The following ABTB2 variants were observed in gnomAD, a reference collection of about 807,000 sequenced individuals.
ABTB2 encodes ankyrin repeat and BTB/POZ domain-containing protein 2.
ABTB2 carries 56 observed loss-of-function variants against 104.1 expected under a neutral mutation model. The ratio of observed to expected loss-of-function variants is 0.54; its 90% CI spans 0.43 to 0.67. The LOEUF (loss-of-function observed/expected upper bound fraction) is 0.67, where lower values mean the gene tolerates loss of function less well. Among genes scored for constraint, ABTB2 ranks in the 30% least tolerant of loss-of-function variants. The pLI, the probability that ABTB2 is intolerant of heterozygous loss-of-function variation, is 0.00. For synonymous variants in ABTB2, 606 were observed against 608.2 expected (o/e 1.00, Z 0.05); for missense variants, 1,279 against 1,407.7 (o/e 0.91, Z 1.46).
chr11:34,236,030 G>A (rs7104335), intron 1 of ABTB2, among the ~76,000 whole-genome samples: 44,573 of 152,084 alleles, frequency 0.29, 7,055 homozygotes, highest in Non-Finnish European at 0.36. Flanking sequence ...TGGGTTCTGG[G>A]GTGGACAGAC....
intron 9 of ABTB2, among the ~76,000 whole-genome samples, chr11:34,163,075 T>G (rs1404665623): frequency 6.6e-6 from 1 of 152,228 alleles, no homozygotes; most frequent in Non-Finnish European, 1.5e-5. Context: ...CTGAGCGAGC[T>G]CTGCCATCCT....
At chr11:34,231,115 G>A (rs1344643333) in intron 1 of ABTB2, among the ~76,000 whole-genome samples, 1 of 152,224 alleles carries the variant, frequency 6.6e-6, no homozygotes, top group African/African-American at 2.4e-5. Flanking sequence ...TGAGCTTGGA[G>A]CATCTTGTGG....
intron 1 of ABTB2, among the ~76,000 whole-genome samples, chr11:34,336,286 C>T (rs1042932464): frequency 2.0e-5 from 3 of 152,116 alleles, no homozygotes; most frequent in African/African-American, 7.2e-5. Context: ...ACATTTACAA[C>T]ACCATAAGGC....
intron 1 of ABTB2, among the ~76,000 whole-genome samples, chr11:34,217,092 C>T (rs1853559078): frequency 6.6e-6 from 1 of 152,246 alleles, no homozygotes; most frequent in Non-Finnish European, 1.5e-5. Flanking sequence ...TAGTACGGAA[C>T]TGCCTCTAAG....
intron 1 of ABTB2, among the ~76,000 whole-genome samples, chr11:34,285,247 C>T (rs918011513): frequency 1.3e-5 from 2 of 152,028 alleles, no homozygotes; most frequent in South Asian, 2.1e-4. Context: ...GAGGTTTCCC[C>T]GAGGCTGGAT....
chr11:34,298,664 G>C (rs1238066394), intron 1 of ABTB2, among the ~76,000 whole-genome samples: 1 of 152,088 alleles, frequency 6.6e-6, no homozygotes. Context: ...GTTTTGCCAT[G>C]TTGGCCAGGC....
intron 14 of ABTB2, among the ~76,000 whole-genome samples, chr11:34,157,011 T>G (rs1416914072): frequency 6.6e-6 from 1 of 152,100 alleles, no homozygotes; most frequent in Non-Finnish European, 1.5e-5. Flanking sequence ...CTCTGTTTCC[T>G]CCTCCAGAAA....
intron 3 of ABTB2, among the ~76,000 whole-genome samples, chr11:34,184,001 C>A (rs1216518460): frequency 6.6e-6 from 1 of 152,020 alleles, no homozygotes; most frequent in East Asian, 1.9e-4. Context: ...GCAGCCTCAA[C>A]CTGCTTGCTG....
chr11:34,182,511 A>AGGGG (rs1853043466), intron 3 of ABTB2, among the ~76,000 whole-genome samples: 2 of 124,602 alleles, frequency 1.6e-5, no homozygotes, highest in Non-Finnish European at 3.3e-5. Flanking sequence ...GGGGGGGGGA[A>AGGGG]ATTCACTTTT....
chr11:34,347,380 G>A (rs1174487019), intron 1 of ABTB2, among the ~76,000 whole-genome samples: 1 of 152,198 alleles, frequency 6.6e-6, no homozygotes, highest in African/African-American at 2.4e-5. Context: ...AGGCTGCAGT[G>A]AGCTGAGATC....
At chr11:34,236,213 C>T (rs1317274744) in intron 1 of ABTB2, among the ~76,000 whole-genome samples, 1 of 151,908 alleles carries the variant, frequency 6.6e-6, no homozygotes, top group Non-Finnish European at 1.5e-5. Flanking sequence ...AGAGTTTTTT[C>T]CCTGGAAAGA....
Position 34,228,061 on chromosome 11 carries a change from G to A in ABTB2, c.884-23371C>T, listed in dbSNP as rs561643863. Reference sequence around the variant, plus strand: ...ACTTTTTTGTTTGTTTTCTTTTTGAGATAAGGTCTCACTTTGTTGCCCAGG... The same window carrying A: ...ACTTTTTTGTTTGTTTTCTTTTTGAAATAAGGTCTCACTTTGTTGCCCAGG... On this transcript the variant is annotated intron_variant, in intron 1 of 16. Coordinates refer to ENST00000435224, the MANE Select transcript of ABTB2 (RefSeq NM_145804.3). 7.1e-4 allele frequency among the ~76,000 whole-genome samples: 50 copies of A among 70,848 alleles called. 5 individuals are homozygous for A. The highest frequency in any genetic ancestry group is 2.4e-3 in the African/African-American group (49 of 20,664). The allele number at this position is 70,848 out of a possible 152,430, so 46.5% of individuals were successfully genotyped here.
intron 3 of ABTB2, among the ~76,000 whole-genome samples, chr11:34,175,217 T>A (rs1014056754): frequency 6.6e-6 from 1 of 152,252 alleles, no homozygotes; most frequent in Non-Finnish European, 1.5e-5. Flanking sequence ...GGGCAAAGAA[T>A]GCTTTTATTT....
intron 1 of ABTB2, among the ~76,000 whole-genome samples, chr11:34,340,822 G>T (rs1855253620): frequency 6.6e-6 from 1 of 152,212 alleles, no homozygotes; most frequent in Non-Finnish European, 1.5e-5. Context: ...CATGGTGGAA[G>T]AAACAGTCCC....
chr11:34,351,933 G>GA (rs5790990), intron 1 of ABTB2, among the ~76,000 whole-genome samples: 50 of 151,490 alleles, frequency 3.3e-4, no homozygotes, highest in African/African-American at 1.2e-3. Context: ...AGGCGTGCGA[G>GA]AAAAAAAAAT....
rs111993998 is a variant in ABTB2 at position 34,291,477 on chromosome 11, C to T, written c.883+65224G>A. 6.6e-3 allele frequency among the ~76,000 whole-genome samples: 1,000 copies of T among 152,260 alleles called. 12 individuals carry two copies. Among genetic ancestry groups the T allele is most frequent in the African/African-American group, 0.023 (970 of 41,536 alleles). ...GTGGGGCACAGGACTGAAAACTATC[C>T]TTCTAACTGATAAGTTTATTTTTAT... On this transcript the variant is annotated intron_variant, in intron 1 of 16. Coordinates refer to ENST00000435224, the MANE Select transcript of ABTB2 (RefSeq NM_145804.3).
intron 1 of ABTB2, among the ~76,000 whole-genome samples, chr11:34,282,728 C>T (rs1854461147): frequency 6.6e-6 from 1 of 151,734 alleles, no homozygotes; most frequent in African/African-American, 2.4e-5. Flanking sequence ...GACGGGGTTT[C>T]ACCATGTTGG....
chr11:34,269,702 T>A lies in ABTB2; in HGVS notation c.884-65012A>T, dbSNP rs886973419. 2.0e-5 allele frequency among the ~76,000 whole-genome samples: 3 copies of A among 152,350 alleles called. No individual in the cohort carries two copies. In the East Asian group the frequency reaches 5.8e-4, roughly 29 times the overall value. On this transcript the variant is annotated intron_variant, in intron 1 of 16. Transcript: ENST00000435224. ...CATGGAACATCATTTGTCTTTTGAT[T>A]ATCTTTCAACCATTTCAAAATATAA...
rs763964966 is a variant in ABTB2 at position 34,162,651 on chromosome 11, T to C, written c.2143A>G (p.Lys715Glu). The C allele has an allele frequency of 6.2e-7, 1 of 1,613,364 alleles. No homozygotes were observed. Among genetic ancestry groups the C allele is most frequent in the East Asian group, 2.2e-5 (1 of 44,894 alleles). Residue 715 changes from lysine (K) to glutamate (E), a missense_variant, in exon 10 of 17, where the codon AAG becomes GAG. Physicochemically the swap from Lys to Glu is moderately conservative, Grantham distance 56. Transcript: ENST00000435224. ...TAGTACATGGCCTCCTGTAGGGCCT[T>C]GGTGCGGGTCCGGCTCAGCCGCACG... The part of the protein sequence containing the change: ...GPVRLSRTRT[K>E]ALQEAMYYSA...
Sources: allele counts gnomAD v4.1 joint callset (sites outside exome capture counted in the v4.1 genomes callset), GRCh38; gene constraint gnomAD v4.1.1; transcripts MANE v1.5; gene names NCBI Gene and HGNC (gene_info 2026-07-23, HGNC 2026-07-21).